USP43: variants seen among roughly 807,000 people sequenced by gnomAD.
USP43 encodes the protein ubiquitin carboxyl-terminal hydrolase 43.
Under a neutral mutation model 90.7 loss-of-function variants are expected in USP43, and 33 were observed. That is an observed-to-expected ratio of 0.36 (90% CI 0.28 to 0.49). USP43 has a LOEUF of 0.49. Among genes scored for constraint, USP43 ranks in the 20% least tolerant of loss-of-function variants. The pLI is 0.98. For missense variants in USP43, 1,274 were observed against 1,476.4 expected (o/e 0.86, Z 2.25); for synonymous variants, 598 against 615.8 (o/e 0.97, Z 0.43).
At position 9,688,337 on chromosome 17, in the gene USP43, C is replaced by T. The variant is rs1006759120; in HGVS notation, c.1353+1428C>T. The stretch of plus-strand genomic sequence containing the variant: ...TTTAACTCAGCCATCCTTACTCTTA[C>T]CTGCTCACACTCCTGTCCTGTTTTT... On this transcript the variant is annotated intron_variant, in intron 8 of 14. Transcript: ENST00000285199. Among the ~76,000 whole-genome samples, 5 of 147,064 alleles carry T rather than the reference C, an allele frequency of 3.4e-5. No homozygotes were observed. In the South Asian group the frequency reaches 1.1e-3, roughly 33 times the overall value.
At chr17:9,655,950 A>G (rs560454808) in intron 1 of USP43, among the ~76,000 whole-genome samples, 3 of 152,178 alleles carry the variant, frequency 2.0e-5, no homozygotes, top group Non-Finnish European at 4.4e-5. Flanking sequence ...AATGAATGAA[A>G]TCAGCGAGGG....
intron 3 of USP43, among the ~76,000 whole-genome samples, chr17:9,673,094 G>A (rs149527487): frequency 2.6e-5 from 4 of 152,308 alleles, no homozygotes; most frequent in South Asian, 4.1e-4. Flanking sequence ...TGTCCTCAGC[G>A]AAGTTAATGT....
intron 14 of USP43, among the ~76,000 whole-genome samples, chr17:9,719,941 A>G (rs1916835655): frequency 6.6e-6 from 1 of 151,976 alleles, no homozygotes; most frequent in Non-Finnish European, 1.5e-5. Context: ...ATGGCACATG[A>G]CTGCGATCCC....
intron 14 of USP43, among the ~76,000 whole-genome samples, chr17:9,712,935 G>A (rs1187837041): frequency 6.6e-6 from 1 of 152,098 alleles, no homozygotes; most frequent in Non-Finnish European, 1.5e-5. Context: ...ACAAACTAGG[G>A]TATTTAGAAT....
At chr17:9,676,974 A>G in intron 5 of USP43, 93 bp downstream of exon 5, 1 of 1,491,120 alleles carries the variant, frequency 6.7e-7, no homozygotes, top group East Asian at 2.3e-5. Flanking sequence ...TGTGGTTCCC[A>G]GGTGACTCCA....
chr17:9,726,290 C>T (rs1917267992), intron 14 of USP43, among the ~76,000 whole-genome samples: 1 of 152,194 alleles, frequency 6.6e-6, no homozygotes, highest in African/African-American at 2.4e-5. Flanking sequence ...ATCTCTGGCC[C>T]TTCTCTGTGT....
At chr17:9,671,874 C>T (rs1452679333) in intron 3 of USP43, among the ~76,000 whole-genome samples, 1 of 152,184 alleles carries the variant, frequency 6.6e-6, no homozygotes, top group Non-Finnish European at 1.5e-5. Context: ...AGCTGCCTCT[C>T]CATCTTCTTC....
intron 8 of USP43, among the ~76,000 whole-genome samples, chr17:9,689,412 ATT>A (rs113416848): frequency 0.044 from 6,414 of 146,814 alleles, 434 homozygotes; most frequent in African/African-American, 0.15. Flanking sequence ...ATCAATGCCA[ATT>A]TTTTTTTTTT....
intron 4 of USP43, among the ~76,000 whole-genome samples, chr17:9,675,356 C>CAAA (rs1185344911): frequency 2.0e-5 from 3 of 151,882 alleles, no homozygotes; most frequent in Admixed American, 6.6e-5. Flanking sequence ...CTATTTTCTT[C>CAAA]TTTGAGAAGG....
At chr17:9,724,439 A>G (rs113961520) in intron 14 of USP43, among the ~76,000 whole-genome samples, 6,202 of 152,072 alleles carry the variant, frequency 0.041, 232 homozygotes, top group East Asian at 0.21. Flanking sequence ...CAGCACTTTG[A>G]GAGGTCGAGG....
chr17:9,663,506 C>T (rs1372192847), intron 2 of USP43, among the ~76,000 whole-genome samples: 7 of 152,098 alleles, frequency 4.6e-5, no homozygotes, highest in African/African-American at 1.4e-4. Flanking sequence ...CCATGTTGGC[C>T]GGGCTGGTCT....
At chr17:9,710,141 G>A (rs78155361) in intron 13 of USP43, 27 bp downstream of exon 13, 58,883 of 1,414,158 alleles carry the variant, frequency 0.042, 1,629 homozygotes, top group African/African-American at 0.11. Context: ...ATGACAGGAG[G>A]GGGGTGTGGG....
In USP43 at chr17:9,690,014, G is replaced by A. The variant is rs148672033; in HGVS notation, c.1353+3105G>A. On this transcript the variant is annotated intron_variant, in intron 8 of 14. Coordinates refer to ENST00000285199, the MANE Select transcript of USP43 (RefSeq NM_153210.5). ...GTTGAAGCCGTAGACGAACTGGAAC[G>A]TGGTTAGAGTCTGGCTAGACGTATG... is the stretch of plus-strand genomic sequence containing the variant. Among the ~76,000 whole-genome samples the A allele has an allele frequency of 1.1e-4, 16 of 152,212 alleles. No individual in the cohort carries two copies. In the East Asian group the frequency reaches 1.7e-3, roughly 17 times the overall value.
In USP43 at chr17:9,712,118, G is replaced by A; in HGVS notation, c.2321G>A (p.Cys774Tyr). The change falls in exon 14 of 15, where the codon TGC (cysteine) becomes TAC (tyrosine). Residue 774 changes from cysteine (C) to tyrosine (Y), a missense_variant. Around this residue, in one of 6 missense-constraint regions of USP43, gnomAD observed 285 missense variants for 349.6 expected, o/e 0.82. Transcript: ENST00000285199. ...TCTCCCATCTTCACCAACAGCCTCT[G>A]CAATCAGGAAAAGGGTATGTTGGTT... ...PDSPIFTNSL[C>Y]NQEKGGLEPR... is the part of the protein sequence containing the mutation. 1 of 1,592,780 alleles carries A rather than the reference G, an allele frequency of 6.3e-7. No individual in the cohort carries two copies. The highest frequency in any genetic ancestry group is 8.6e-7 in the Non-Finnish European group (1 of 1,169,420).
chr17:9,691,997 A>G (rs56192742), intron 8 of USP43, among the ~76,000 whole-genome samples: 41,833 of 150,214 alleles, frequency 0.28, 6,421 homozygotes, highest in East Asian at 0.63. Context: ...AGCTGAGATC[A>G]CACAACTGCA....
chr17:9,684,724 C>G (rs1402091933), intron 7 of USP43, among the ~76,000 whole-genome samples: 1 of 139,106 alleles, frequency 7.2e-6, no homozygotes, highest in East Asian at 2.2e-4. Flanking sequence ...GATTGTGCCA[C>G]TGCACTCCAG....
chr17:9,694,844 G>A (rs937829560), intron 9 of USP43, among the ~76,000 whole-genome samples: 14 of 152,048 alleles, frequency 9.2e-5, no homozygotes, highest in African/African-American at 3.4e-4. Flanking sequence ...GGCTGGTCTC[G>A]AACTCCTGAC....
chr17:9,695,978 T>C lies in USP43; in HGVS notation c.1457+2748T>C, dbSNP rs1390578239. Among the ~76,000 whole-genome samples, 6 of 152,304 alleles carry C rather than the reference T, an allele frequency of 3.9e-5. 1 individual carries two copies. The highest frequency in any genetic ancestry group is 1.4e-4 in the African/African-American group (6 of 41,580). On this transcript the variant is annotated intron_variant, in intron 9 of 14. Coordinates refer to ENST00000285199, the MANE Select transcript of USP43 (RefSeq NM_153210.5). ...CCTTCCTTTTGAAGGCTGAATAATA[T>C]TCCATTGTATGTATACACCACCTAG...
chr17:9,715,787 CTG>C (rs550902828), intron 14 of USP43, among the ~76,000 whole-genome samples: 19 of 137,156 alleles, frequency 1.4e-4, no homozygotes, highest in Admixed American at 3.0e-4. Context: ...GTGTGTGTCT[CTG>C]TGTGTGTGTG....
Sources: allele counts gnomAD v4.1 joint callset (sites outside exome capture counted in the v4.1 genomes callset), GRCh38; gene constraint gnomAD v4.1.1; regional missense constraint gnomAD v4.1.1; transcripts MANE v1.5; gene names NCBI Gene and HGNC (gene_info 2026-07-23, HGNC 2026-07-21).